The following GXYLT2 variants were observed in gnomAD, a reference collection of about 807,000 sequenced individuals.
The protein encoded by GXYLT2 is glucoside xylosyltransferase 2.
A neutral mutation model predicts 45.8 loss-of-function variants in GXYLT2; 53 were observed. The ratio of observed to expected loss-of-function variants is 1.16; its 90% confidence interval spans 0.93 to 1.46. The LOEUF (loss-of-function observed/expected upper bound fraction) is 1.46, where lower values mean the gene tolerates loss of function less well. GXYLT2 is among the 40% of genes most tolerant of loss of function. The pLI is 0.00. For synonymous variants in GXYLT2, 219 were observed against 214.2 expected (o/e 1.02, Z -0.19); for missense variants, 551 against 544.4 (o/e 1.01, Z -0.12).
At chr3:72,890,603 T>C (rs1709164618) in intron 1 of GXYLT2, among the ~76,000 whole-genome samples, 1 of 152,202 alleles carries the variant, frequency 6.6e-6, no homozygotes, top group Non-Finnish European at 1.5e-5. Flanking sequence ...AATTCGTAAT[T>C]TTACTGAGAT....
intron 3 of GXYLT2, among the ~76,000 whole-genome samples, chr3:72,925,270 C>T (rs1358962432): frequency 6.6e-6 from 1 of 151,864 alleles, no homozygotes; most frequent in African/African-American, 2.4e-5. Flanking sequence ...AATTCTCCTG[C>T]CTCAATCCCC....
intron 1 of GXYLT2, among the ~76,000 whole-genome samples, chr3:72,896,686 C>A (rs1276329000): frequency 6.6e-6 from 1 of 151,566 alleles, no homozygotes; most frequent in Admixed American, 6.6e-5. Flanking sequence ...TGGTCTCTAC[C>A]AAAAATACAA....
At chr3:72,961,675 AG>A (rs60681469) in intron 5 of GXYLT2, among the ~76,000 whole-genome samples, 6,843 of 39,048 alleles carry the variant, frequency 0.18, 668 homozygotes, top group African/African-American at 0.29. Context: ...AAAAAAAAAA[AG>A]AGAGAGAGAG....
intron 3 of GXYLT2, among the ~76,000 whole-genome samples, chr3:72,949,514 T>C (rs1476834730): frequency 1.6e-5 from 2 of 126,008 alleles, no homozygotes; most frequent in African/African-American, 3.0e-5. Flanking sequence ...TTTTTTTTTT[T>C]TTTTTTTTTT....
chr3:72,963,872 T>G (rs1378649663), intron 5 of GXYLT2, among the ~76,000 whole-genome samples: 2 of 151,988 alleles, frequency 1.3e-5, no homozygotes, highest in Non-Finnish European at 2.9e-5. Context: ...ACAGGGTTTC[T>G]CCATGTTGGT....
intron 3 of GXYLT2, among the ~76,000 whole-genome samples, chr3:72,924,232 C>T (rs1415854943): frequency 1.4e-5 from 2 of 147,894 alleles, no homozygotes; most frequent in Non-Finnish European, 3.0e-5. Flanking sequence ...CACTCTCTGT[C>T]GCCCCTGCTG....
At chr3:72,961,683 AG>A (rs1710774103) in intron 5 of GXYLT2, among the ~76,000 whole-genome samples, 1 of 136,984 alleles carries the variant, frequency 7.3e-6, no homozygotes, top group Non-Finnish European at 1.6e-5. Context: ...AAAGAGAGAG[AG>A]AGAGACTGGC....
intron 5 of GXYLT2, among the ~76,000 whole-genome samples, chr3:72,958,850 T>C (rs1710703905): frequency 6.6e-6 from 1 of 151,988 alleles, no homozygotes. Context: ...CAGGCTGGTC[T>C]CGAGCTCCTG....
In GXYLT2 at chr3:72,932,410, A is replaced by G. The variant is rs187743112; in HGVS notation, c.600+10075A>G. ...AAAGTATTTAATTTTGTTTAATTCAAAGTTATCTATTTCCATTTTTGTTGT... is the reference window on the plus strand; with the variant it reads ...AAAGTATTTAATTTTGTTTAATTCAGAGTTATCTATTTCCATTTTTGTTGT... On this transcript the variant is annotated intron_variant, in intron 3 of 6. Coordinates refer to ENST00000389617, the MANE Select transcript of GXYLT2 (RefSeq NM_001080393.2). Among the ~76,000 whole-genome samples the G allele has an allele frequency of 1.5e-3, 227 of 152,304 alleles. 1 individual carries two copies. Among genetic ancestry groups the G allele is most frequent in the Non-Finnish European group, 2.0e-3 (134 of 68,032 alleles).
At chr3:72,905,211 A>G (rs1709489144) in intron 1 of GXYLT2, among the ~76,000 whole-genome samples, 1 of 151,756 alleles carries the variant, frequency 6.6e-6, no homozygotes, top group South Asian at 2.1e-4. Flanking sequence ...TCAGTCTCCC[A>G]GGTTCAAGCA....
At chr3:72,970,919 A>C (rs1219223832) in intron 6 of GXYLT2, among the ~76,000 whole-genome samples, 2 of 152,230 alleles carry the variant, frequency 1.3e-5, no homozygotes, top group Non-Finnish European at 2.9e-5. Context: ...AGTGTTTAGC[A>C]TGCATCCAAG....
chr3:72,965,026 G>A (rs1290746837), intron 5 of GXYLT2, among the ~76,000 whole-genome samples: 1 of 152,186 alleles, frequency 6.6e-6, no homozygotes, highest in Non-Finnish European at 1.5e-5. Context: ...GCTAATAGAG[G>A]AGTTGTGATT....
chr3:72,927,439 C>T (rs952809681), intron 3 of GXYLT2, among the ~76,000 whole-genome samples: 1 of 152,128 alleles, frequency 6.6e-6, no homozygotes, highest in Non-Finnish European at 1.5e-5. Flanking sequence ...GTAACTGGTT[C>T]TAATGTTTTG....
intron 1 of GXYLT2, among the ~76,000 whole-genome samples, chr3:72,896,214 G>A (rs959923885): frequency 1.3e-5 from 2 of 152,228 alleles, no homozygotes; most frequent in Non-Finnish European, 2.9e-5. Flanking sequence ...ATGAGACAAT[G>A]CAGGTAAAGT....
At chr3:72,935,964 G>A (rs1710168608) in intron 3 of GXYLT2, among the ~76,000 whole-genome samples, 1 of 152,186 alleles carries the variant, frequency 6.6e-6, no homozygotes, top group Admixed American at 6.5e-5. Context: ...CAGGGGAAAG[G>A]AGATGATAGC....
chr3:72,945,789 T>C (rs914800123), intron 3 of GXYLT2, among the ~76,000 whole-genome samples: 2 of 152,128 alleles, frequency 1.3e-5, no homozygotes, highest in Non-Finnish European at 2.9e-5. Flanking sequence ...GAGGGCAGAA[T>C]GCGCAGTGAC....
At chr3:72,901,554 C>CTTTTTT (rs71124002) in intron 1 of GXYLT2, among the ~76,000 whole-genome samples, 27 of 77,172 alleles carry the variant, frequency 3.5e-4, no homozygotes, top group Admixed American at 8.3e-4. Flanking sequence ...AACATTTTCG[C>CTTTTTT]TTTTTTTTTT....
At chr3:72,936,293 A>T (rs1294983376) in intron 3 of GXYLT2, among the ~76,000 whole-genome samples, 4 of 129,422 alleles carry the variant, frequency 3.1e-5, no homozygotes, top group African/African-American at 5.2e-5. Context: ...CTCCATCTCA[A>T]AAAAAAGAAA....
intron 3 of GXYLT2, among the ~76,000 whole-genome samples, chr3:72,946,967 G>C (rs1453437778): frequency 6.6e-6 from 1 of 151,874 alleles, no homozygotes; most frequent in African/African-American, 2.4e-5. Flanking sequence ...AGGACTACAG[G>C]TGCACAGTAC....
Sources: gnomAD v4.1 joint callset for allele counts (sites outside exome capture counted in the v4.1 genomes callset) on GRCh38, gnomAD v4.1.1 for gene constraint, MANE v1.5 for transcripts, NCBI Gene and HGNC (gene_info 2026-07-23, HGNC 2026-07-21) for gene names.